Variants in NOS1AP observed in about 807,000 individuals in gnomAD.
NOS1AP encodes nitric oxide synthase 1 adaptor protein, also known as carboxyl-terminal PDZ ligand of neuronal nitric oxide synthase protein.
NOS1AP carries 21 observed loss-of-function variants against 56.2 expected under a neutral mutation model. That is an observed-to-expected ratio of 0.37 (90% confidence interval 0.26 to 0.54). NOS1AP has a LOEUF of 0.54. Ranked by LOEUF, NOS1AP falls within the 20% of genes least tolerant of loss-of-function variation. The probability of loss-of-function intolerance (pLI) is 0.84; values close to 1 mark genes in which losing one functional copy is unlikely to be tolerated. For synonymous variants in NOS1AP, 270 were observed against 274.6 expected, an observed-to-expected ratio of 0.98 and a Z score of 0.17; for missense variants, 522 against 657.8, an observed-to-expected ratio of 0.79 and a Z score of 2.26.
rs549139215 is a variant in NOS1AP, at chr1:162,356,457, C to T, written c.763-503C>T. Among the ~76,000 whole-genome samples, 7 of 152,286 alleles carry T rather than the reference C, an allele frequency of 4.6e-5. 1 individual carries two copies. In the South Asian group the frequency reaches 1.5e-3, roughly 32 times the overall value. ...CAGGAGGTAGCCCCCTCACATGGCC[C>T]CTTCCTCCAGGACCCAGCTCCACGC... is the stretch of plus-strand genomic sequence containing the variant. On this transcript the variant is annotated intron_variant, in intron 7 of 9. Coordinates refer to ENST00000361897, the MANE Select transcript of NOS1AP (RefSeq NM_014697.3).
intron 7 of NOS1AP, among the ~76,000 whole-genome samples, chr1:162,355,699 C>T (rs1404678945): frequency 6.9e-6 from 1 of 145,166 alleles, no homozygotes; most frequent in African/African-American, 2.5e-5. Context: ...CACACAGACT[C>T]CCCTGTGACT....
chr1:162,235,663 G>C (rs1392729271), intron 2 of NOS1AP, among the ~76,000 whole-genome samples: 1 of 151,758 alleles, frequency 6.6e-6, no homozygotes, highest in East Asian at 2.0e-4. Context: ...TGTGTACGTG[G>C]TTTTAATTAA....
At chr1:162,163,504 T>G (rs1173676966) in intron 2 of NOS1AP, among the ~76,000 whole-genome samples, 1 of 152,232 alleles carries the variant, frequency 6.6e-6, no homozygotes, top group Non-Finnish European at 1.5e-5. Flanking sequence ...ACAAAGTCCC[T>G]GTCTGCATGG....
intron 9 of NOS1AP, among the ~76,000 whole-genome samples, chr1:162,366,432 GAGCCA>G (rs1658088886): frequency 6.6e-6 from 1 of 152,214 alleles, no homozygotes; most frequent in Non-Finnish European, 1.5e-5. Context: ...GCAAGGAGCA[GAGCCA>G]AGATTCAAAC....
intron 2 of NOS1AP, among the ~76,000 whole-genome samples, chr1:162,261,468 CAGAGAGAGAGAGAGAGAGAG>C (rs1654210857): frequency 5.1e-5 from 1 of 19,486 alleles, no homozygotes; most frequent in African/African-American, 1.7e-4. Flanking sequence ...AGCGGGGAGT[CAGAGAGAGAGAGAGAGAGAG>C]AGAGAGAGAG....
rs865936555 is a variant in NOS1AP, at chr1:162,350,458, G to A, written c.596-4729G>A. 3.3e-5 allele frequency among the ~76,000 whole-genome samples: 5 copies of A among 152,316 alleles called. 2 individuals are homozygous for A. The Middle Eastern group carries it at 0.017, about 522-fold the overall frequency. ...CCCTTGGCCATCCCTGGGACTCCAA[G>A]CCAGGTGGAGCCACTGCCCCTGTGG... On this transcript the variant is annotated intron_variant, in intron 6 of 9. Transcript: ENST00000361897.
chr1:162,228,378 C>T (rs1000694923), intron 2 of NOS1AP, among the ~76,000 whole-genome samples: 12 of 152,124 alleles, frequency 7.9e-5, no homozygotes, highest in African/African-American at 2.2e-4. Flanking sequence ...CCTAGAAAGG[C>T]CAGAATGGTG....
Position 162,223,836 on chromosome 1 carries a change from A to C in NOS1AP, c.178-63508A>C, listed in dbSNP as rs114070251. On this transcript the variant is annotated intron_variant, in intron 2 of 9. Transcript: ENST00000361897. ...AAAAGCCAAAAGGAAGCCTAAGATG[A>C]CAAAGTCAAGATAAGCATTTCAATA... Among the ~76,000 whole-genome samples the C allele has an allele frequency of 8.4e-3, 1,283 of 152,324 alleles. 17 individuals are homozygous for C. Among genetic ancestry groups the C allele is most frequent in the African/African-American group, 0.029 (1,220 of 41,564 alleles).
intron 1 of NOS1AP, among the ~76,000 whole-genome samples, chr1:162,122,653 G>A (rs1368795440): frequency 6.6e-6 from 1 of 151,938 alleles, no homozygotes; most frequent in African/African-American, 2.4e-5. Flanking sequence ...GACTATAGGC[G>A]CTTACCACCA....
At chr1:162,106,305 G>A (rs966473878) in intron 1 of NOS1AP, among the ~76,000 whole-genome samples, 1 of 152,184 alleles carries the variant, frequency 6.6e-6, no homozygotes, top group African/African-American at 2.4e-5. Context: ...GGGTTGAGCT[G>A]TTTGCCTGGT....
At chr1:162,298,429 G>A (rs2101751267) in intron 3 of NOS1AP, among the ~76,000 whole-genome samples, 1 of 152,342 alleles carries the variant, frequency 6.6e-6, no homozygotes, top group African/African-American at 2.4e-5. Context: ...CCAGGGTGGT[G>A]TAATTGGAAG....
chr1:162,220,092 C>T (rs190384063), intron 2 of NOS1AP, among the ~76,000 whole-genome samples: 27 of 152,232 alleles, frequency 1.8e-4, no homozygotes, highest in African/African-American at 6.0e-4. Context: ...CCATCATACC[C>T]GGCTAATTTT....
At chr1:162,103,236 T>C (rs190892766) in intron 1 of NOS1AP, among the ~76,000 whole-genome samples, 3 of 152,304 alleles carry the variant, frequency 2.0e-5, no homozygotes, top group Admixed American at 1.3e-4. Context: ...CATGTAGTTG[T>C]GTAATTTTGT....
chr1:162,239,319 C>A (rs2101678924), intron 2 of NOS1AP, among the ~76,000 whole-genome samples: 1 of 152,312 alleles, frequency 6.6e-6, no homozygotes, highest in Non-Finnish European at 1.5e-5. Context: ...AGATCATATT[C>A]TCTTATTGCA....
chr1:162,108,296 A>T (rs1456784798), intron 1 of NOS1AP, among the ~76,000 whole-genome samples: 3 of 152,234 alleles, frequency 2.0e-5, no homozygotes, highest in Non-Finnish European at 4.4e-5. Flanking sequence ...TCAGGAACCA[A>T]CGTGAAGAGG....
At chr1:162,129,529 C>T (rs1263547023) in intron 1 of NOS1AP, among the ~76,000 whole-genome samples, 1 of 152,226 alleles carries the variant, frequency 6.6e-6, no homozygotes, top group African/African-American at 2.4e-5. Context: ...CTCAAATCTG[C>T]ATCCTCTGAA....
intron 2 of NOS1AP, among the ~76,000 whole-genome samples, chr1:162,182,592 T>G (rs1051262659): frequency 2.0e-5 from 3 of 152,218 alleles, no homozygotes; most frequent in African/African-American, 4.8e-5. Context: ...TCTTTCAAAA[T>G]TAGGGTCAGT....
At chr1:162,105,348 C>A (rs996246316) in intron 1 of NOS1AP, among the ~76,000 whole-genome samples, 21 of 152,198 alleles carry the variant, frequency 1.4e-4, no homozygotes, top group African/African-American at 4.8e-4. Context: ...TGGCTGGAGA[C>A]CCCTGTTGGG....
chr1:162,290,567 T>G lies in NOS1AP; in HGVS notation c.270+3131T>G, dbSNP rs578078654. On this transcript the variant is annotated intron_variant, in intron 3 of 9. Coordinates refer to ENST00000361897, the MANE Select transcript of NOS1AP (RefSeq NM_014697.3). ...CAAATGTCACTGATCACCATCATGA[T>G]TAGGTTAAGAACTAGAGCTCTTTGC... Among the ~76,000 whole-genome samples the G allele has an allele frequency of 2.0e-5, 3 of 152,312 alleles. No individual in the cohort carries two copies. The South Asian group carries it at 6.2e-4, about 32-fold the overall frequency.
Sources: gnomAD v4.1 joint callset for allele counts (sites outside exome capture counted in the v4.1 genomes callset) on GRCh38, gnomAD v4.1.1 for gene constraint, MANE v1.5 for transcripts, NCBI Gene and HGNC (gene_info 2026-07-23, HGNC 2026-07-21) for gene names.